MPV17L: variants seen among roughly 807,000 people sequenced by gnomAD.
The protein encoded by MPV17L is mpv17-like protein.
A neutral mutation model predicts 25.8 loss-of-function variants in MPV17L; 24 were observed. That is an observed-to-expected ratio of 0.93 (90% CI 0.67 to 1.31). The LOEUF is 1.31. Ranked by LOEUF, MPV17L falls within the 50% of genes most tolerant of loss-of-function variation. The pLI, the probability that MPV17L is intolerant of heterozygous loss-of-function variation, is 0.00. For synonymous variants in MPV17L, 102 were observed against 115.3 expected (o/e 0.88, Z 0.74); for missense variants, 250 against 265.6 (o/e 0.94, Z 0.41).
chr16:15,403,502 C>G (rs191980269), intron 2 of MPV17L, among the ~76,000 whole-genome samples: 33 of 151,672 alleles, frequency 2.2e-4, no homozygotes, highest in Middle Eastern at 3.4e-3. Flanking sequence ...AGTGAGACCC[C>G]ATCGCTACAA....
intron 2 of MPV17L, among the ~76,000 whole-genome samples, chr16:15,405,605 C>T (rs1413115656): frequency 2.0e-5 from 3 of 151,688 alleles, no homozygotes; most frequent in South Asian, 2.1e-4. Context: ...CCTGCAATCA[C>T]GTCCTGCTAA....
intron 2 of MPV17L, among the ~76,000 whole-genome samples, chr16:15,401,473 G>C (rs2050640029): frequency 6.6e-6 from 1 of 152,098 alleles, no homozygotes; most frequent in Non-Finnish European, 1.5e-5. Flanking sequence ...TATTTTGATA[G>C]ATGTATGAGG....
chr16:15,404,118 A>T lies in MPV17L; in HGVS notation c.381+3261A>T, dbSNP rs191573861. On this transcript the variant is annotated intron_variant, in intron 2 of 3. Transcript: ENST00000396385. ...AGACCCTGTCTCAAAATAAAAAAATAAAATAAAATAAAGATCTGAAGTTAT... is the reference window on the plus strand; with the variant it reads ...AGACCCTGTCTCAAAATAAAAAAATTAAATAAAATAAAGATCTGAAGTTAT... Among the ~76,000 whole-genome samples, 294 of 152,304 alleles carry T rather than the reference A, an allele frequency of 1.9e-3. 1 individual carries two copies. Among genetic ancestry groups the T allele is most frequent in the Non-Finnish European group, 3.4e-3 (228 of 68,030 alleles).
At chr16:15,405,917 G>A (rs2050676831) in intron 2 of MPV17L, among the ~76,000 whole-genome samples, 1 of 151,796 alleles carries the variant, frequency 6.6e-6, no homozygotes, top group South Asian at 2.1e-4. Flanking sequence ...GGCCGGGCAT[G>A]GTGGCTCACG....
rs1433352779 is a variant in MPV17L at position 15,413,068 on chromosome 16, T to A, written c.*4956T>A. 2 of 152,220 alleles carry A rather than the reference T, an allele frequency of 1.3e-5. No homozygotes were observed. Among genetic ancestry groups the A allele is most frequent in the East Asian group, 3.8e-4 (2 of 5,200 alleles). The allele number at this position is 152,220 out of a possible 1,614,324, so 9.4% of individuals were successfully genotyped here. Reference sequence around the variant, plus strand: ...AATTTCTACAGAATGTTTGCTAGAATGAATTATATCTAGGATATGCTTAAC... The same window carrying A: ...AATTTCTACAGAATGTTTGCTAGAAAGAATTATATCTAGGATATGCTTAAC... On this transcript the variant is annotated 3_prime_UTR_variant, in exon 4 of 4. Transcript: ENST00000396385.
intron 2 of MPV17L, among the ~76,000 whole-genome samples, chr16:15,406,143 G>A (rs1423631368): frequency 2.0e-5 from 3 of 151,462 alleles, no homozygotes; most frequent in Non-Finnish European, 4.4e-5. Context: ...AGCCAAGATC[G>A]CACCATTGCA....
intron 2 of MPV17L, among the ~76,000 whole-genome samples, chr16:15,406,792 G>A (rs567695592): frequency 6.6e-6 from 1 of 151,884 alleles, no homozygotes; most frequent in African/African-American, 2.4e-5. Context: ...CGAGCATGGT[G>A]TCAGGCACCT....
intron 2 of MPV17L, among the ~76,000 whole-genome samples, chr16:15,405,298 C>T (rs1459690969): frequency 2.0e-5 from 3 of 149,468 alleles, no homozygotes; most frequent in South Asian, 2.1e-4. Context: ...CTTTGGGTGG[C>T]GGAGGTTGGA....
rs1598429687 is a variant in MPV17L at position 15,412,731 on chromosome 16, A to C, written c.*4619A>C. 1 of 131,178 alleles carries C rather than the reference A, an allele frequency of 7.6e-6. No individual in the cohort carries two copies. The highest frequency in any genetic ancestry group is 2.0e-4 in the East Asian group (1 of 4,930). The allele number at this position is 131,178 out of a possible 1,614,324, so 8.1% of individuals were successfully genotyped here. On this transcript the variant is annotated 3_prime_UTR_variant, in exon 4 of 4. Coordinates refer to ENST00000396385, the MANE Select transcript of MPV17L (RefSeq NM_001128423.2). ...GGGACTAAAGGCGCCCGCCACCATG[A>C]CCCACTAATTTTTTTTTTTTTTGGA... is the stretch of plus-strand genomic sequence containing the variant.
At chr16:15,405,432 A>G (rs222909) in intron 2 of MPV17L, among the ~76,000 whole-genome samples, 17,391 of 148,474 alleles carry the variant, frequency 0.12, 1,313 homozygotes, top group East Asian at 0.38. Flanking sequence ...TCTTCTGATT[A>G]TTTTTGCTAA....
At chr16:15,407,009 A>T (rs1470637263) in intron 2 of MPV17L, among the ~76,000 whole-genome samples, 7 of 151,512 alleles carry the variant, frequency 4.6e-5, no homozygotes, top group Admixed American at 4.6e-4. Flanking sequence ...CTGCAGTGGG[A>T]CTACTGCTTT....
rs1774204391 is a variant in MPV17L, at chr16:15,400,817, T to C, written c.341T>C (p.Ile114Thr). 2 of 1,604,510 alleles carry C rather than the reference T, an allele frequency of 1.2e-6. No homozygotes were observed. The highest frequency in any genetic ancestry group is 1.3e-5 in the African/African-American group (1 of 74,674). The change falls in exon 2 of 4, where the codon ATA becomes ACA. Residue 114 changes from isoleucine to threonine, a missense_variant. Ile to Thr is a moderately conservative substitution (Grantham distance 89, BLOSUM62 -1). Transcript: ENST00000396385. ...AGCATTCTCCAAGGAAAGGATGACA[T>C]ATTTTTGGACCTGAAACAGAAATTC... ...GMSILQGKDD[I>T]FLDLKQKFWN...
rs1397208849 is a variant in MPV17L, at chr16:15,408,165, A to G, written c.*53A>G. On this transcript the variant is annotated 3_prime_UTR_variant, in exon 4 of 4. Coordinates refer to ENST00000396385, the MANE Select transcript of MPV17L (RefSeq NM_001128423.2). ...ACATTTTTTACCTAAAATGCACAGA[A>G]TTGCCTGCAGACAAAATATTTGATG... The G allele has an allele frequency of 7.1e-7, 1 of 1,402,228 alleles. No homozygotes were observed. The highest frequency in any genetic ancestry group is 1.4e-5 in the African/African-American group (1 of 69,396). The allele number at this position is 1,402,228 out of a possible 1,614,324, so 86.9% of individuals were successfully genotyped here. A position where few individuals can be genotyped will look rare whatever the true frequency, so the allele number is the denominator to read the frequency against.
chr16:15,401,898 A>G (rs1226442421), intron 2 of MPV17L, among the ~76,000 whole-genome samples: 1 of 152,216 alleles, frequency 6.6e-6, no homozygotes, highest in African/African-American at 2.4e-5. Context: ...TGACTTTATT[A>G]TATTAACTCT....
chr16:15,403,393 A>C (rs1229045326), intron 2 of MPV17L, among the ~76,000 whole-genome samples: 1 of 143,194 alleles, frequency 7.0e-6, no homozygotes. Flanking sequence ...AAAAAAGAGC[A>C]AGAAGTAGGC....
intron 1 of MPV17L, 64 bp from the exon 2 acceptor site, chr16:15,400,723 A>G: frequency 8.8e-7 from 1 of 1,139,030 alleles, no homozygotes; most frequent in African/African-American, 1.6e-5. Context: ...GGGAAACTTA[A>G]ACATGAACTG....
chr16:15,403,671 CAA>C (rs201912807), intron 2 of MPV17L, among the ~76,000 whole-genome samples: 44 of 98,276 alleles, frequency 4.5e-4, no homozygotes, highest in Admixed American at 8.3e-4. Context: ...GACCATGGTT[CAA>C]AAAAAAAAAA....
chr16:15,398,655 C>T (rs2050608154), intron 1 of MPV17L, among the ~76,000 whole-genome samples: 1 of 146,700 alleles, frequency 6.8e-6, no homozygotes, highest in African/African-American at 2.5e-5. Context: ...ATGACACAAT[C>T]TCAGCTCACT....
At position 15,396,007 on chromosome 16, in the gene MPV17L, G is replaced by C; in HGVS notation, c.110G>C (p.Arg37Pro). Residue 37 changes from arginine (R) to proline (P), a missense_variant, in exon 1 of 4, where the codon CGG (arginine) becomes CCG (proline). Coordinates refer to ENST00000396385, the MANE Select transcript of MPV17L (RefSeq NM_001128423.2). ...LVSAGDALQQ[R>P]LQGREANWRQ... Reference sequence around the variant, plus strand: ...TCGGCCGGGGACGCGCTGCAACAGCGGCTGCAGGGCCGCGAGGCCAACTGG... The same window carrying C: ...TCGGCCGGGGACGCGCTGCAACAGCCGCTGCAGGGCCGCGAGGCCAACTGG... 1 of 1,521,410 alleles carries C rather than the reference G, an allele frequency of 6.6e-7. No individual in the cohort carries two copies. The highest frequency in any genetic ancestry group is 8.8e-7 in the Non-Finnish European group (1 of 1,140,766). The allele number at this position is 1,521,410 out of a possible 1,614,324, so 94.2% of individuals were successfully genotyped here.
Sources: allele counts gnomAD v4.1 joint callset (sites outside exome capture counted in the v4.1 genomes callset), GRCh38; gene constraint gnomAD v4.1.1; transcripts MANE v1.5; gene names NCBI Gene and HGNC (gene_info 2026-07-23, HGNC 2026-07-21).